The following FSIP1 variants were observed in gnomAD, a reference collection of about 807,000 sequenced individuals.
FSIP1 encodes fibrous sheath-interacting protein 1.
A neutral mutation model predicts 60.9 loss-of-function variants in FSIP1; 65 were observed. The observed-to-expected ratio is 1.07, with a 90% CI of 0.87 to 1.31. FSIP1 has a LOEUF of 1.31. FSIP1 is among the 40% of genes most tolerant of loss of function. The pLI, the probability that FSIP1 is intolerant of heterozygous loss-of-function variation, is 0.00. For synonymous variants in FSIP1, 209 were observed against 221.2 expected (o/e 0.94, Z 0.49); for missense variants, 675 against 665.5 (o/e 1.01, Z -0.16).
At chr15:39,674,885 T>C (rs950042234) in intron 10 of FSIP1, among the ~76,000 whole-genome samples, 3 of 152,066 alleles carry the variant, frequency 2.0e-5, no homozygotes, top group African/African-American at 7.2e-5. Context: ...AAAAGTCACC[T>C]TATAAAAAGT....
chr15:39,763,325 C>T (rs1566918016), intron 5 of FSIP1, among the ~76,000 whole-genome samples: 1 of 152,154 alleles, frequency 6.6e-6, no homozygotes, highest in Non-Finnish European at 1.5e-5. Flanking sequence ...CATAATATTT[C>T]TGTTTTCAAA....
intron 11 of FSIP1, among the ~76,000 whole-genome samples, chr15:39,606,103 G>T (rs1352188062): frequency 6.6e-6 from 1 of 152,134 alleles, no homozygotes; most frequent in East Asian, 1.9e-4. Flanking sequence ...CCTTAATTTG[G>T]TCCTTTGAGT....
At chr15:39,667,335 C>G (rs1463908099) in intron 10 of FSIP1, among the ~76,000 whole-genome samples, 3 of 152,028 alleles carry the variant, frequency 2.0e-5, no homozygotes, top group Non-Finnish European at 1.5e-5. Context: ...GTGTAGACAT[C>G]AGAGTAAAGG....
chr15:39,648,704 T>C (rs1340149022), intron 10 of FSIP1, among the ~76,000 whole-genome samples: 1 of 152,176 alleles, frequency 6.6e-6, no homozygotes, highest in Non-Finnish European at 1.5e-5. Flanking sequence ...ATGTAATTGG[T>C]AGTTTGGGGC....
intron 10 of FSIP1, among the ~76,000 whole-genome samples, chr15:39,647,124 A>G (rs1438549075): frequency 6.6e-6 from 1 of 152,224 alleles, no homozygotes; most frequent in Non-Finnish European, 1.5e-5. Flanking sequence ...ATGGGGAGAT[A>G]TACATAAAAG....
chr15:39,624,872 A>G (rs763211686), intron 10 of FSIP1, among the ~76,000 whole-genome samples: 3 of 152,234 alleles, frequency 2.0e-5, no homozygotes, highest in Non-Finnish European at 4.4e-5. Context: ...GAAACTATGT[A>G]AACCACCATC....
chr15:39,621,010 A>G (rs1366955342), intron 10 of FSIP1, among the ~76,000 whole-genome samples: 2 of 151,678 alleles, frequency 1.3e-5, no homozygotes, highest in Middle Eastern at 6.8e-3. Context: ...CATGTTTCAC[A>G]GAGCCAGAAA....
chr15:39,750,841 GA>G (rs931846576), intron 5 of FSIP1, among the ~76,000 whole-genome samples: 1 of 151,382 alleles, frequency 6.6e-6, no homozygotes. Context: ...ATCAATAAAA[GA>G]AAAAAACCTA....
intron 10 of FSIP1, among the ~76,000 whole-genome samples, chr15:39,623,819 T>C (rs1379290795): frequency 2.6e-5 from 4 of 152,208 alleles, no homozygotes; most frequent in African/African-American, 7.2e-5. Flanking sequence ...CATCTGTCTT[T>C]CTGGGTCCAT....
chr15:39,776,463 C>T lies in FSIP1; in HGVS notation c.62G>A (p.Arg21His), dbSNP rs143595362. The T allele has an allele frequency of 1.4e-5, 23 of 1,612,954 alleles. 1 individual carries two copies. Among genetic ancestry groups the T allele is most frequent in the South Asian group, 1.2e-4 (11 of 91,046 alleles). Residue 21 changes from arginine to histidine, a missense_variant, in exon 2 of 12, where the codon CGC (arginine) becomes CAC (histidine). By Grantham distance (29) the Arg-to-His change is conservative. Coordinates refer to ENST00000350221, the MANE Select transcript of FSIP1 (RefSeq NM_152597.5). ...AGCATTTGAACTTCTGCTCCCAGGG[C>T]GTATTCTTGAATTTGAAGCTGGTTT... ...ISKPASNSRIRPGSRSSNASL... is the reference protein window; with the variant it reads ...ISKPASNSRIHPGSRSSNASL...
At chr15:39,739,597 A>G in intron 7 of FSIP1, 68 bp downstream of exon 7, 1 of 1,413,610 alleles carries the variant, frequency 7.1e-7, no homozygotes, top group Non-Finnish European at 9.7e-7. Flanking sequence ...GACACTGAAC[A>G]AAACTATTGC....
Position 39,690,870 on chromosome 15 carries a change from C to T in FSIP1, c.1188+22574G>A, listed in dbSNP as rs181055362. On this transcript the variant is annotated intron_variant, in intron 10 of 11. Coordinates refer to ENST00000350221, the MANE Select transcript of FSIP1 (RefSeq NM_152597.5). ...GCCCTCCTTCATGAGCCTAGAAAGGCCCTAATGCTAGCCAGTTCAACATTC... is the reference window on the plus strand; with the variant it reads ...GCCCTCCTTCATGAGCCTAGAAAGGTCCTAATGCTAGCCAGTTCAACATTC... 5.2e-3 allele frequency among the ~76,000 whole-genome samples: 791 copies of T among 152,316 alleles called. 6 individuals carry two copies. Among genetic ancestry groups the T allele is most frequent in the Non-Finnish European group, 8.4e-3 (574 of 68,022 alleles).
intron 10 of FSIP1, among the ~76,000 whole-genome samples, chr15:39,642,451 C>G (rs1460432270): frequency 6.6e-6 from 1 of 152,162 alleles, no homozygotes; most frequent in Non-Finnish European, 1.5e-5. Context: ...GGGGGCGGCT[C>G]TTAGCAGCCT....
intron 10 of FSIP1, among the ~76,000 whole-genome samples, chr15:39,644,791 C>T (rs1892525329): frequency 6.6e-6 from 1 of 151,972 alleles, no homozygotes; most frequent in African/African-American, 2.4e-5. Context: ...GCTGGCATCT[C>T]ATTGTTCAGG....
At chr15:39,680,448 C>T (rs1894115890) in intron 10 of FSIP1, among the ~76,000 whole-genome samples, 1 of 152,210 alleles carries the variant, frequency 6.6e-6, no homozygotes, top group Non-Finnish European at 1.5e-5. Flanking sequence ...ACTCATTTCC[C>T]AGCCTTCCTT....
chr15:39,733,200 G>A (rs1428379382), intron 8 of FSIP1, among the ~76,000 whole-genome samples: 1 of 152,060 alleles, frequency 6.6e-6, no homozygotes, highest in African/African-American at 2.4e-5. Flanking sequence ...CTGGCTAATT[G>A]TTGTATTTTT....
At chr15:39,718,325 T>C (rs902910175) in intron 9 of FSIP1, among the ~76,000 whole-genome samples, 1 of 151,934 alleles carries the variant, frequency 6.6e-6, no homozygotes, top group African/African-American at 2.4e-5. Flanking sequence ...CATATATATG[T>C]GTGTATATAT....
At chr15:39,700,855 T>G (rs1895028216) in intron 10 of FSIP1, among the ~76,000 whole-genome samples, 1 of 152,168 alleles carries the variant, frequency 6.6e-6, no homozygotes, top group African/African-American at 2.4e-5. Flanking sequence ...GAGTTCCCAT[T>G]TAAAATACAG....
chr15:39,733,342 G>A (rs1896480850), intron 8 of FSIP1, among the ~76,000 whole-genome samples: 1 of 152,134 alleles, frequency 6.6e-6, no homozygotes, highest in African/African-American at 2.4e-5. Context: ...AAAAACAATT[G>A]CCTTTAAAAA....
Sources: gnomAD v4.1 joint callset for allele counts (sites outside exome capture counted in the v4.1 genomes callset) on GRCh38, gnomAD v4.1.1 for gene constraint, MANE v1.5 for transcripts, NCBI Gene and HGNC (gene_info 2026-07-23, HGNC 2026-07-21) for gene names.